ZFP37: variants seen among roughly 807,000 people sequenced by gnomAD.
ZFP37 encodes the protein ZFP37 zinc finger protein, also known as zinc finger protein 37 homolog.
In ZFP37, 38 loss-of-function variants were observed where a neutral mutation model predicts 52.1. That is an observed-to-expected ratio of 0.73 (90% confidence interval 0.56 to 0.96). The LOEUF (loss-of-function observed/expected upper bound fraction) is 0.96, where lower values mean the gene tolerates loss of function less well. Among genes scored for constraint, ZFP37 ranks in the 40% least tolerant of loss-of-function variants. The pLI, the probability that ZFP37 is intolerant of heterozygous loss-of-function variation, is 0.00. For missense variants in ZFP37, 695 were observed against 741.4 expected (o/e 0.94, Z 0.73); for synonymous variants, 253 against 259.5 (o/e 0.98, Z 0.24).
At chr9:113,055,473 G>A (rs1041015136) in intron 1 of ZFP37, among the ~76,000 whole-genome samples, 5 of 152,174 alleles carry the variant, frequency 3.3e-5, no homozygotes, top group Non-Finnish European at 7.3e-5. Context: ...TGTGTCTCCA[G>A]CATTTAAAAC....
intron 3 of ZFP37, among the ~76,000 whole-genome samples, chr9:113,047,456 G>A (rs1328339799): frequency 1.3e-5 from 2 of 152,000 alleles, no homozygotes; most frequent in African/African-American, 4.8e-5. Flanking sequence ...GTGGTAACAT[G>A]TAAGATCAAT....
At chr9:113,050,106 T>A in intron 1 of ZFP37, 1 of 535,628 alleles carries the variant, frequency 1.9e-6, no homozygotes, top group Non-Finnish European at 3.0e-6. Context: ...CCTACTGAGC[T>A]AGGCATAGTG....
In ZFP37 at chr9:113,043,964, A is replaced by G. The variant is rs150239243; in HGVS notation, c.654T>C (p.Asp218=). 1 of 1,613,986 alleles carries G rather than the reference A, an allele frequency of 6.2e-7. No homozygotes were observed. Among genetic ancestry groups the G allele is most frequent in the South Asian group, 1.1e-5 (1 of 91,076 alleles). ...HKKSFNHSLS[D]TRKGKKQTGK... The stretch of plus-strand genomic sequence containing the variant: ...CAGTTTGCTTTTTGCCTTTCCTTGT[A>G]TCAGATAAGCTATGGTTGAATGACT... Residue 218 remains aspartate, a synonymous_variant, in exon 4 of 4, where the codon GAT becomes GAC. Transcript: ENST00000374227.
intron 3 of ZFP37, among the ~76,000 whole-genome samples, chr9:113,047,255 T>C (rs1283419801): frequency 6.6e-6 from 1 of 152,210 alleles, no homozygotes; most frequent in Non-Finnish European, 1.5e-5. Flanking sequence ...GAGCCATTAA[T>C]GGATGAATCA....
intron 3 of ZFP37, among the ~76,000 whole-genome samples, chr9:113,047,103 C>T (rs1007986185): frequency 6.9e-5 from 10 of 145,006 alleles, no homozygotes; most frequent in African/African-American, 2.3e-4. Flanking sequence ...AGCCAGACTC[C>T]GTCTAAAAAA....
At position 113,049,373 on chromosome 9, in the gene ZFP37, T is replaced by G; in HGVS notation, c.338A>C (p.Glu113Ala). 1 of 1,612,562 alleles carries G rather than the reference T, an allele frequency of 6.2e-7. No individual in the cohort carries two copies. Among genetic ancestry groups the G allele is most frequent in the Middle Eastern group, 1.7e-4 (1 of 6,052 alleles). ...PSKIARPKQK[E>A]TDGKVQKDDD... is the part of the protein sequence containing the mutation. ...AAGTTACAACTTACTTCCATCAGTT[T>G]CTTTTTGCTTGGGTCTTGCTATTTT... Residue 113 changes from glutamate (E) to alanine (A), a missense_variant, in exon 3 of 4, where the codon GAA becomes GCA. Around this residue, in one of 2 missense-constraint regions of ZFP37, gnomAD observed 369 missense variants for 340.9 expected, o/e 1.08. Transcript: ENST00000374227.
rs895490341 is a variant in ZFP37, at chr9:113,038,378, A to C, written c.*4347T>G. 5 of 152,136 alleles carry C rather than the reference A, an allele frequency of 3.3e-5. No individual in the cohort carries two copies. The highest frequency in any genetic ancestry group is 9.7e-5 in the African/African-American group (4 of 41,438). The allele number at this position is 152,136 out of a possible 1,614,324, so 9.4% of individuals were successfully genotyped here. A position where few individuals can be genotyped will look rare whatever the true frequency, so the allele number is the denominator to read the frequency against. ...TAAATTAAAATCCTAATGTGCATAT[A>C]GTTTTGTAAACTGTTTTTTATTTAG... On this transcript the variant is annotated 3_prime_UTR_variant, in exon 4 of 4. Transcript: ENST00000374227.
intron 1 of ZFP37, 107 bp from the exon 2 acceptor site, chr9:113,049,979 GATA>G: frequency 1.3e-6 from 2 of 1,545,512 alleles, no homozygotes; most frequent in Non-Finnish European, 1.8e-6. Context: ...ATTTGGACAA[GATA>G]ATAATTTGTT....
Position 113,042,554 on chromosome 9 carries a change from T to G in ZFP37, c.*171A>C. On this transcript the variant is annotated 3_prime_UTR_variant, in exon 4 of 4. Transcript: ENST00000374227. Reference sequence around the variant, plus strand: ...TTTTATAAAAGGTTTTGTATCAAGTTTAAACCCTTGTTTCCATCCACTGAT... The same window carrying G: ...TTTTATAAAAGGTTTTGTATCAAGTGTAAACCCTTGTTTCCATCCACTGAT... 2.0e-6 allele frequency: 1 copy of G among 507,648 alleles called. No homozygotes were observed. The highest frequency in any genetic ancestry group is 3.3e-6 in the Non-Finnish European group (1 of 298,714). The allele number at this position is 507,648 out of a possible 1,614,324, so 31.4% of individuals were successfully genotyped here. A position where few individuals can be genotyped will look rare whatever the true frequency, so the allele number is the denominator to read the frequency against.
At chr9:113,048,888 GT>G (rs1829006099) in intron 3 of ZFP37, among the ~76,000 whole-genome samples, 1 of 150,286 alleles carries the variant, frequency 6.7e-6, no homozygotes, top group African/African-American at 2.4e-5. Flanking sequence ...TTACCATGTG[GT>G]TCCACTCACC....
chr9:113,054,296 A>G (rs1188736945), intron 1 of ZFP37, among the ~76,000 whole-genome samples: 1 of 152,068 alleles, frequency 6.6e-6, no homozygotes, highest in African/African-American at 2.4e-5. Flanking sequence ...TCTTACTTCA[A>G]TGGGCACCCC....
In ZFP37 at chr9:113,039,494, A is replaced by G. The variant is rs1301337915; in HGVS notation, c.*3231T>C. ...TCTCTGGGTCTTTGCTTTTGTCACC[A>G]TCTAAGTAAGCTTACTGCCTGCTTC... On this transcript the variant is annotated 3_prime_UTR_variant, in exon 4 of 4. Transcript: ENST00000374227. The G allele has an allele frequency of 6.6e-6, 1 of 151,930 alleles. No homozygotes were observed. Among genetic ancestry groups the G allele is most frequent in the African/African-American group, 2.4e-5 (1 of 41,344 alleles). The allele number at this position is 151,930 out of a possible 1,614,324, so 9.4% of individuals were successfully genotyped here. A position where few individuals can be genotyped will look rare whatever the true frequency, so the allele number is the denominator to read the frequency against.
chr9:113,055,154 C>A (rs1369061259), intron 1 of ZFP37, among the ~76,000 whole-genome samples: 1 of 152,186 alleles, frequency 6.6e-6, no homozygotes, highest in Non-Finnish European at 1.5e-5. Flanking sequence ...TTTACTCCTA[C>A]CCCAGGTCCT....
rs1010350397 is a variant in ZFP37, at chr9:113,043,533, T to A, written c.1085A>T (p.His362Leu). The part of the protein sequence containing the change: ...IQCGKAHGHK[H>L]ALTDHLRIHT... Reference sequence around the variant, plus strand: ...AATTCTTAGATGGTCAGTGAGTGCATGTTTATGACCATGGGCTTTGCCACA... The same window carrying A: ...AATTCTTAGATGGTCAGTGAGTGCAAGTTTATGACCATGGGCTTTGCCACA... The change falls in exon 4 of 4, where the codon CAT becomes CTT. Residue 362 changes from histidine to leucine, a missense_variant. His to Leu is a moderately conservative substitution (Grantham distance 99, BLOSUM62 -3). Transcript: ENST00000374227. 1 of 1,613,938 alleles carries A rather than the reference T, an allele frequency of 6.2e-7. No individual in the cohort carries two copies. The highest frequency in any genetic ancestry group is 1.3e-5 in the African/African-American group (1 of 74,934).
intron 3 of ZFP37, among the ~76,000 whole-genome samples, chr9:113,047,623 T>A (rs1180439169): frequency 6.6e-6 from 1 of 152,012 alleles, no homozygotes; most frequent in African/African-American, 2.4e-5. Flanking sequence ...AAAAATGGAT[T>A]TAGCAAATTT....
intron 1 of ZFP37, among the ~76,000 whole-genome samples, chr9:113,051,309 G>A (rs1829053604): frequency 6.6e-6 from 1 of 152,136 alleles, no homozygotes; most frequent in African/African-American, 2.4e-5. Context: ...GTATGTTGAA[G>A]TCCTCTTATT....
At position 113,050,001 on chromosome 9, in the gene ZFP37, G is replaced by A. The variant is rs190427580; in HGVS notation, c.133-129C>T. The A allele has an allele frequency of 1.1e-5, 16 of 1,415,702 alleles. No individual in the cohort carries two copies. In the Admixed American group the frequency reaches 3.2e-4, roughly 28 times the overall value. 87.7% of individuals were successfully genotyped at this position (1,415,702 alleles called of 1,614,324 possible). ...CAAGATAATAATTTGTTCTTACCTT[G>A]ACTACTCACTGTTGATCATGATATT... is the stretch of plus-strand genomic sequence containing the variant. On this transcript the variant is annotated intron_variant, in intron 1 of 3. Coordinates refer to ENST00000374227, the MANE Select transcript of ZFP37 (RefSeq NM_003408.3).
rs1053687643 is a variant in ZFP37 at position 113,042,859 on chromosome 9, G to A, written c.1759C>T (p.Gln587Ter). 5.6e-6 allele frequency: 9 copies of A among 1,613,656 alleles called. No individual in the cohort carries two copies. The highest frequency in any genetic ancestry group is 1.7e-5 in the Admixed American group (1 of 59,980). The change falls in exon 4 of 4, where the codon CAG (glutamine) becomes TAG (stop). Residue 587 changes from glutamine (Q) to a stop codon, truncating the protein, a stop_gained. Transcript: ENST00000374227. LOFTEE classifies it high-confidence loss of function. ...TGGGATCGCTGATGTATAACAAGCT[G>A]TGATTTTGCATTAAAGGCTTTTTCA... Reference protein sequence around the residue: ...ECEKAFNAKSQLVIHQRSHTG... With the variant: ...ECEKAFNAKS
At chr9:113,046,256 C>A (rs200803911) in intron 3 of ZFP37, among the ~76,000 whole-genome samples, 3 of 147,162 alleles carry the variant, frequency 2.0e-5, no homozygotes, top group Non-Finnish European at 4.5e-5. Flanking sequence ...AGATAAATAT[C>A]TATATATATA....
Sources: allele counts gnomAD v4.1 joint callset (sites outside exome capture counted in the v4.1 genomes callset), GRCh38; gene constraint gnomAD v4.1.1; regional missense constraint gnomAD v4.1.1; transcripts MANE v1.5; gene names NCBI Gene and HGNC (gene_info 2026-07-23, HGNC 2026-07-21).